The following CELF2 variants were observed in gnomAD, a reference collection of about 807,000 sequenced individuals.
CELF2 encodes the protein CUG triplet repeat RNA-binding protein 2.
A neutral mutation model predicts 62.6 loss-of-function variants in CELF2; 8 were observed. The ratio of observed to expected loss-of-function variants is 0.13; its 90% CI spans 0.07 to 0.23. The LOEUF (loss-of-function observed/expected upper bound fraction) is 0.23. Among genes scored for constraint, CELF2 ranks in the 10% least tolerant of loss-of-function variants. CELF2 has a pLI of 1.00. For synonymous variants in CELF2, 258 were observed against 250.0 expected (o/e 1.03, Z -0.30); for missense variants, 333 against 671.0 (o/e 0.50, Z 5.56).
chr10:10,732,652 T>C, the CELF2 span, among the ~76,000 whole-genome samples: 1 of 151,680 alleles, frequency 6.6e-6, no homozygotes, highest in Non-Finnish European at 1.5e-5. Context: ...GCCTCCCAAG[T>C]AGCTGGGATT....
At chr10:10,645,141 G>C in the CELF2 span, among the ~76,000 whole-genome samples, 7 of 152,096 alleles carry the variant, frequency 4.6e-5, no homozygotes, top group African/African-American at 1.4e-4. Flanking sequence ...GCTTATTCAG[G>C]GGGGATGAGA....
intron 1 of CELF2, among the ~76,000 whole-genome samples, chr10:10,806,882 C>T (rs1427934443): frequency 1.3e-5 from 2 of 152,168 alleles, no homozygotes; most frequent in African/African-American, 4.8e-5. Flanking sequence ...CTCCCCAAAA[C>T]AAGGAACAGG....
chr10:10,606,025 G>T, the CELF2 span, among the ~76,000 whole-genome samples: 1 of 152,166 alleles, frequency 6.6e-6, no homozygotes, highest in East Asian at 1.9e-4. Context: ...GACTCAGAAC[G>T]TTGGAAAGCA....
the CELF2 span, among the ~76,000 whole-genome samples, chr10:10,593,973 T>A: frequency 1.3e-5 from 2 of 152,180 alleles, no homozygotes; most frequent in African/African-American, 2.4e-5. Flanking sequence ...AAGCTTGTGA[T>A]GAGCACCCAT....
intron 1 of CELF2, among the ~76,000 whole-genome samples, chr10:11,048,641 A>G (rs2063300740): frequency 6.6e-6 from 1 of 152,230 alleles, no homozygotes; most frequent in Non-Finnish European, 1.5e-5. Context: ...GTGAAAACGC[A>G]TTCATAAAAC....
chr10:10,464,614 C>G, the CELF2 span, among the ~76,000 whole-genome samples: 20 of 152,298 alleles, frequency 1.3e-4, no homozygotes, highest in Non-Finnish European at 2.5e-4. Flanking sequence ...AGCACAACCT[C>G]TCAGACTCTG....
the CELF2 span, among the ~76,000 whole-genome samples, chr10:10,655,745 G>A: frequency 1.5e-5 from 2 of 132,398 alleles, no homozygotes; most frequent in African/African-American, 2.7e-5. Flanking sequence ...AGACTTAAAC[G>A]TTAGACCTAA....
intron 1 of CELF2, among the ~76,000 whole-genome samples, chr10:10,817,378 G>T (rs2056561456): frequency 6.6e-6 from 1 of 152,120 alleles, no homozygotes; most frequent in Non-Finnish European, 1.5e-5. Context: ...GTTGACTATA[G>T]TCATTCCCAC....
the CELF2 span, among the ~76,000 whole-genome samples, chr10:10,606,755 A>G: frequency 6.6e-6 from 1 of 152,216 alleles, no homozygotes; most frequent in Non-Finnish European, 1.5e-5. Flanking sequence ...TAATAATTGT[A>G]TAAAATTGGA....
At chr10:10,732,495 C>G in the CELF2 span, among the ~76,000 whole-genome samples, 1 of 150,936 alleles carries the variant, frequency 6.6e-6, no homozygotes, top group Non-Finnish European at 1.5e-5. Context: ...AGTTCTTTGC[C>G]TACTCTTACT....
chr10:11,133,744 C>T (rs1419397389), intron 1 of CELF2, among the ~76,000 whole-genome samples: 1 of 152,206 alleles, frequency 6.6e-6, no homozygotes, highest in Non-Finnish European at 1.5e-5. Context: ...CCTTGCACAC[C>T]TATCACCTTG....
chr10:10,900,910 A>G (rs2062892425), intron 1 of CELF2, among the ~76,000 whole-genome samples: 1 of 152,360 alleles, frequency 6.6e-6, no homozygotes, highest in East Asian at 1.9e-4. Flanking sequence ...ATGGAAGTAA[A>G]TAGTATTTCT....
intron 1 of CELF2, among the ~76,000 whole-genome samples, chr10:11,104,639 GC>G (rs112862297): frequency 0.064 from 9,729 of 152,246 alleles, 454 homozygotes; most frequent in African/African-American, 0.12. Flanking sequence ...ACGTGATTGT[GC>G]CACTGCACTC....
chr10:11,099,645 G>A (rs1705465832), intron 1 of CELF2, among the ~76,000 whole-genome samples: 3 of 152,054 alleles, frequency 2.0e-5, no homozygotes, highest in African/African-American at 4.8e-5. Flanking sequence ...TTTGTAGTCG[G>A]TGCTACTCAT....
intron 1 of CELF2, among the ~76,000 whole-genome samples, chr10:10,821,446 C>T (rs2056955430): frequency 6.6e-6 from 1 of 152,186 alleles, no homozygotes; most frequent in Non-Finnish European, 1.5e-5. Context: ...CTCTCCCTGC[C>T]ATGTGTATTT....
At chr10:11,210,161 G>A (rs1308761738) in intron 2 of CELF2, among the ~76,000 whole-genome samples, 1 of 152,126 alleles carries the variant, frequency 6.6e-6, no homozygotes, top group Non-Finnish European at 1.5e-5. Context: ...TATAACTCGA[G>A]TTGAAGTTGT....
chr10:11,068,194 A>G (rs2068682176), intron 1 of CELF2, among the ~76,000 whole-genome samples: 1 of 152,236 alleles, frequency 6.6e-6, no homozygotes, highest in African/African-American at 2.4e-5. Flanking sequence ...ACGCTTATTT[A>G]AAGTTTATTG....
intron 5 of CELF2, among the ~76,000 whole-genome samples, chr10:11,258,131 G>A (rs1018453181): frequency 6.6e-6 from 1 of 152,212 alleles, no homozygotes; most frequent in Non-Finnish European, 1.5e-5. Context: ...CCTACTGCTA[G>A]GCATCCTTTT....
the CELF2 span, among the ~76,000 whole-genome samples, chr10:10,666,591 G>C: frequency 2.6e-5 from 2 of 75,836 alleles, 1 homozygote; most frequent in Non-Finnish European, 5.1e-5. Context: ...GGCCGGGCGC[G>C]GTGGCTCACG....
Sources: allele counts gnomAD v4.1 joint callset (sites outside exome capture counted in the v4.1 genomes callset), GRCh38; gene constraint gnomAD v4.1.1; transcripts MANE v1.5; gene names NCBI Gene and HGNC (gene_info 2026-07-23, HGNC 2026-07-21).